Variants in CLEC4A observed in about 807,000 individuals in gnomAD.
CLEC4A encodes C-type (calcium dependent, carbohydrate-recognition domain) lectin, superfamily member 6.
In CLEC4A, 27 loss-of-function variants were observed where a neutral mutation model predicts 32.7. The ratio of observed to expected loss-of-function variants is 0.83; its 90% CI spans 0.61 to 1.14. The LOEUF (loss-of-function observed/expected upper bound fraction) is 1.14. Among genes scored for constraint, CLEC4A ranks in the 50% most tolerant of loss-of-function variants. CLEC4A has a pLI of 0.00. For synonymous variants in CLEC4A, 89 were observed against 93.7 expected (o/e 0.95, Z 0.29); for missense variants, 253 against 274.6 (o/e 0.92, Z 0.55).
At chr12:8,113,552 T>C in the CLEC4A span, among the ~76,000 whole-genome samples, 1 of 152,220 alleles carries the variant, frequency 6.6e-6, no homozygotes, top group East Asian at 1.9e-4. Context: ...AATGGCTTTT[T>C]TGTCCCTTAG....
At chr12:8,134,782 C>A in intron 3 of CLEC4A, 1 of 1,552,806 alleles carries the variant, frequency 6.4e-7, no homozygotes, top group Non-Finnish European at 8.7e-7. Flanking sequence ...GGCTCCGGCC[C>A]CCCTGGCCCA....
upstream of CLEC4A, among the ~76,000 whole-genome samples, chr12:8,120,537 G>T (rs1404126782): frequency 6.6e-6 from 1 of 152,194 alleles, no homozygotes. Context: ...ACAAGTGAAG[G>T]CACACTGTCA....
chr12:8,111,921 ATATGTG>A, the CLEC4A span, among the ~76,000 whole-genome samples: 140 of 109,748 alleles, frequency 1.3e-3, 1 homozygote, highest in Admixed American at 2.3e-3. Context: ...GTGAGTGTGT[ATATGTG>A]TGTGTGTGTG....
chr12:8,112,603 A>G, the CLEC4A span, among the ~76,000 whole-genome samples: 1,926 of 150,574 alleles, frequency 0.013, 19 homozygotes, highest in Non-Finnish European at 0.02. Flanking sequence ...ATGTGTTGTC[A>G]TGTGTTTAAG....
Position 8,138,307 on chromosome 12 carries a change from C to G in CLEC4A, c.*20C>G. On this transcript the variant is annotated 3_prime_UTR_variant, in exon 6 of 6. Transcript: ENST00000229332. ...TTATGAACTGAACATTCTCCATGAACAGGTGGTTGGATTGGTATCTGTCAT... is the reference window on the plus strand; with the variant it reads ...TTATGAACTGAACATTCTCCATGAAGAGGTGGTTGGATTGGTATCTGTCAT... 1 of 1,613,654 alleles carries G rather than the reference C, an allele frequency of 6.2e-7. No homozygotes were observed. Among genetic ancestry groups the G allele is most frequent in the Non-Finnish European group, 8.5e-7 (1 of 1,179,726 alleles).
the CLEC4A span, among the ~76,000 whole-genome samples, chr12:8,106,364 T>C: frequency 6.6e-5 from 10 of 152,352 alleles, no homozygotes; most frequent in African/African-American, 2.4e-4. Context: ...TTGCCCTGGC[T>C]ATTTGAGCTC....
intron 3 of CLEC4A, among the ~76,000 whole-genome samples, chr12:8,131,986 C>G (rs961499375): frequency 6.6e-6 from 1 of 152,130 alleles, no homozygotes; most frequent in African/African-American, 2.4e-5. Context: ...TCCTGATGCT[C>G]TCCCTCCCCG....
chr12:8,135,365 G>A (rs10840744), intron 3 of CLEC4A, among the ~76,000 whole-genome samples: 133,225 of 151,978 alleles, frequency 0.88, 58,651 homozygotes, highest in East Asian at 0.96. Flanking sequence ...CTTTTCAGAT[G>A]GCACTTCAGC....
the CLEC4A span, among the ~76,000 whole-genome samples, chr12:8,116,425 C>G: frequency 1.3e-5 from 2 of 152,116 alleles, no homozygotes; most frequent in South Asian, 2.1e-4. Context: ...CATTAAGGGC[C>G]GAGTACTGTA....
chr12:8,110,877 CTT>C, the CLEC4A span, among the ~76,000 whole-genome samples: 10 of 145,402 alleles, frequency 6.9e-5, no homozygotes, highest in South Asian at 2.1e-4. Context: ...TTTCTAGACA[CTT>C]TTTTTTTTTT....
At chr12:8,131,613 T>A (rs1274464450) in intron 3 of CLEC4A, among the ~76,000 whole-genome samples, 1 of 152,142 alleles carries the variant, frequency 6.6e-6, no homozygotes, top group African/African-American at 2.4e-5. Flanking sequence ...GTAAATCTCA[T>A]CCAAAAGCAT....
At chr12:8,111,597 T>A in the CLEC4A span, among the ~76,000 whole-genome samples, 9 of 152,216 alleles carry the variant, frequency 5.9e-5, no homozygotes, top group Admixed American at 4.6e-4. Flanking sequence ...ATTAATAATG[T>A]TCTGAAGTTC....
At chr12:8,134,982 T>TTTTTTG in intron 3 of CLEC4A, 1 of 292,268 alleles carries the variant, frequency 3.4e-6, no homozygotes, top group Non-Finnish European at 5.3e-6. Flanking sequence ...CGTTTTTGTT[T>TTTTTTG]TTTGTTTTTT....
chr12:8,127,238 A>G (rs1947916164), intron 2 of CLEC4A, among the ~76,000 whole-genome samples: 2 of 152,320 alleles, frequency 1.3e-5, no homozygotes, highest in Non-Finnish European at 2.9e-5. Flanking sequence ...CGTTTCTCTT[A>G]TCATTCATCA....
At chr12:8,114,285 C>T in the CLEC4A span, among the ~76,000 whole-genome samples, 1 of 152,072 alleles carries the variant, frequency 6.6e-6, no homozygotes, top group Admixed American at 6.5e-5. Flanking sequence ...TGCTCTGTCG[C>T]CCAGGCTGGA....
chr12:8,133,915 A>G (rs1948043787), intron 3 of CLEC4A: 2 of 1,602,248 alleles, frequency 1.2e-6, no homozygotes, highest in Non-Finnish European at 1.7e-6. Context: ...CTGGGGCCAG[A>G]GGAAAGGACA....
At chr12:8,115,972 A>G in the CLEC4A span, among the ~76,000 whole-genome samples, 2 of 151,628 alleles carry the variant, frequency 1.3e-5, no homozygotes, top group Non-Finnish European at 2.9e-5. Context: ...ATCTATATAT[A>G]TATTTTTTGA....
rs111751207 is a variant in CLEC4A at position 8,132,812 on chromosome 12, T to C, written c.299-2773T>C. Among the ~76,000 whole-genome samples the C allele has an allele frequency of 5.9e-3, 893 of 152,356 alleles. 6 individuals are homozygous for C. The highest frequency in any genetic ancestry group is 0.02 in the African/African-American group (834 of 41,586). On this transcript the variant is annotated intron_variant, in intron 3 of 5. Transcript: ENST00000229332. Reference sequence around the variant, plus strand: ...TTGCTTTATACATTTTGCAGCTTTGTTTGGTGTATACACATTTGGGGTCAC... The same window carrying C: ...TTGCTTTATACATTTTGCAGCTTTGCTTGGTGTATACACATTTGGGGTCAC...
At chr12:8,134,517 G>T in intron 3 of CLEC4A, 2 of 1,613,778 alleles carry the variant, frequency 1.2e-6, no homozygotes, top group Non-Finnish European at 1.7e-6. Flanking sequence ...GCAGGGCTCC[G>T]GGGAGGCCCC....
Sources: gnomAD v4.1 joint callset for allele counts (sites outside exome capture counted in the v4.1 genomes callset) on GRCh38, gnomAD v4.1.1 for gene constraint, MANE v1.5 for transcripts, NCBI Gene and HGNC (gene_info 2026-07-23, HGNC 2026-07-21) for gene names.